Variants in TSNAX observed in about 807,000 individuals in gnomAD.
TSNAX encodes translin-associated protein X.
A neutral mutation model predicts 33.0 loss-of-function variants in TSNAX; 12 were observed. That is an observed-to-expected ratio of 0.36 (90% CI 0.23 to 0.59). The LOEUF (loss-of-function observed/expected upper bound fraction) is 0.59, where lower values mean the gene tolerates loss of function less well. Among genes scored for constraint, TSNAX ranks in the 20% least tolerant of loss-of-function variants. The pLI, the probability that TSNAX is intolerant of heterozygous loss-of-function variation, is 0.74. For synonymous variants in TSNAX, 110 were observed against 117.2 expected (o/e 0.94, Z 0.40); for missense variants, 267 against 341.3 (o/e 0.78, Z 1.72).
Position 231,565,005 on chromosome 1 carries a change from A to T in TSNAX, c.*100A>T, listed in dbSNP as rs559083933. 9 of 1,354,860 alleles carry T rather than the reference A, an allele frequency of 6.6e-6. No homozygotes were observed. Among genetic ancestry groups the T allele is most frequent in the Non-Finnish European group, 9.0e-6 (9 of 1,001,342 alleles). 83.9% of individuals were successfully genotyped at this position (1,354,860 alleles called of 1,614,324 possible). A position where few individuals can be genotyped will look rare whatever the true frequency, so the allele number is the denominator to read the frequency against. ...CATTTAACTTTATTGTGGCTTTTACATAGAAACATATTCAGTTGTACTTGT... is the reference window on the plus strand; with the variant it reads ...CATTTAACTTTATTGTGGCTTTTACTTAGAAACATATTCAGTTGTACTTGT... On this transcript the variant is annotated 3_prime_UTR_variant, in exon 6 of 6. Coordinates refer to ENST00000366639, the MANE Select transcript of TSNAX (RefSeq NM_005999.3).
At chr1:231,552,857 C>G (rs141376203) in intron 4 of TSNAX, among the ~76,000 whole-genome samples, 1 of 152,276 alleles carries the variant, frequency 6.6e-6, no homozygotes, top group Non-Finnish European at 1.5e-5. Flanking sequence ...CATGTATGGC[C>G]TCTTGCGTCT....
At chr1:231,530,340 T>A (rs1025656918) in intron 2 of TSNAX, among the ~76,000 whole-genome samples, 2 of 152,230 alleles carry the variant, frequency 1.3e-5, no homozygotes, top group Non-Finnish European at 2.9e-5. Context: ...CAGTATCTAC[T>A]GTGATCGTCA....
chr1:231,553,084 C>A (rs1271492204), intron 4 of TSNAX, among the ~76,000 whole-genome samples: 7 of 152,190 alleles, frequency 4.6e-5, no homozygotes, highest in African/African-American at 1.7e-4. Flanking sequence ...TGAATATATG[C>A]TTTCAGCTCT....
At chr1:231,531,904 C>T (rs1239828747) in intron 2 of TSNAX, among the ~76,000 whole-genome samples, 5 of 151,846 alleles carry the variant, frequency 3.3e-5, no homozygotes, top group African/African-American at 1.2e-4. Context: ...AATGTTTTTA[C>T]CACAATTAGC....
chr1:231,550,584 A>C (rs1660234319), intron 4 of TSNAX, among the ~76,000 whole-genome samples: 1 of 152,198 alleles, frequency 6.6e-6, no homozygotes. Flanking sequence ...TAAGGGAAAG[A>C]GTCTGGGGGA....
At chr1:231,552,690 C>A (rs1014050402) in intron 4 of TSNAX, among the ~76,000 whole-genome samples, 5 of 152,196 alleles carry the variant, frequency 3.3e-5, no homozygotes, top group African/African-American at 9.7e-5. Flanking sequence ...AATACCAGAA[C>A]ATTTCATCAC....
At chr1:231,556,451 A>G (rs201595466) in intron 4 of TSNAX, among the ~76,000 whole-genome samples, 5 of 152,386 alleles carry the variant, frequency 3.3e-5, no homozygotes, top group Middle Eastern at 6.8e-3. Flanking sequence ...TGAATGATAC[A>G]GAATATTAGT....
intron 5 of TSNAX, among the ~76,000 whole-genome samples, chr1:231,564,217 G>A (rs1027185865): frequency 6.6e-6 from 1 of 152,084 alleles, no homozygotes; most frequent in African/African-American, 2.4e-5. Flanking sequence ...ATTAAGCCTT[G>A]TTCAAGAATA....
At chr1:231,559,913 C>CTACA (rs1660937165) in intron 4 of TSNAX, among the ~76,000 whole-genome samples, 1 of 151,338 alleles carries the variant, frequency 6.6e-6, no homozygotes, top group Non-Finnish European at 1.5e-5. Flanking sequence ...TGACACTTAC[C>CTACA]TACATTAGTT....
chr1:231,541,588 TAAG>T (rs1293779486), intron 3 of TSNAX, among the ~76,000 whole-genome samples: 1 of 116,562 alleles, frequency 8.6e-6, no homozygotes, highest in East Asian at 2.6e-4. Context: ...GATTTAAAAA[TAAG>T]AAAAATATTT....
intron 3 of TSNAX, among the ~76,000 whole-genome samples, chr1:231,540,165 C>T (rs1362596805): frequency 2.5e-5 from 3 of 119,516 alleles, no homozygotes; most frequent in African/African-American, 3.3e-5. Flanking sequence ...CAGAATAGGA[C>T]TCTGTCTCAA....
At chr1:231,557,675 A>AC (rs143518672) in intron 4 of TSNAX, among the ~76,000 whole-genome samples, 2,002 of 152,260 alleles carry the variant, frequency 0.013, 54 homozygotes, top group African/African-American at 0.046. Flanking sequence ...TATAGAACAT[A>AC]AAGTGAGAAC....
At chr1:231,545,665 A>G (rs186064262) in intron 4 of TSNAX, among the ~76,000 whole-genome samples, 90 of 152,294 alleles carry the variant, frequency 5.9e-4, no homozygotes, top group African/African-American at 2.1e-3. Context: ...TAATGATAAG[A>G]ATTGTCATTT....
Position 231,528,725 on chromosome 1 carries a change from C to T in TSNAX, c.-86C>T, listed in dbSNP as rs577053760. 559 of 1,549,488 alleles carry T rather than the reference C, an allele frequency of 3.6e-4. 3 individuals are homozygous for T. The African/African-American group carries it at 5.7e-3, about 16-fold the overall frequency. On this transcript the variant is annotated 5_prime_UTR_variant, in exon 1 of 6. Transcript: ENST00000366639. ...AAAGCGTTTTTCTGCAGGCTGTTTT[C>T]CCAGGTTCCCTCGGCCTGTACCTCG...
chr1:231,534,689 TCCCAGGAGATTGCATA>T (rs1659041301), intron 2 of TSNAX: 1 of 152,172 alleles, frequency 6.6e-6, no homozygotes, highest in South Asian at 2.1e-4. Context: ...ATTTCTTAGT[TCCCAGGAGATTGCATA>T]CCCTTAGTAC....
chr1:231,542,766 G>A (rs1463674630), intron 4 of TSNAX, 155 bp downstream of exon 4: 7 of 848,854 alleles, frequency 8.2e-6, no homozygotes, highest in Admixed American at 2.9e-5. Flanking sequence ...GTAATCCAAA[G>A]GCAAGTTGGC....
chr1:231,539,249 A>G (rs1467987370), intron 3 of TSNAX, among the ~76,000 whole-genome samples: 1 of 152,212 alleles, frequency 6.6e-6, no homozygotes. Context: ...TGCCATCAGT[A>G]TTCAGCAGTA....
In TSNAX at chr1:231,551,997, A is replaced by T. The variant is rs139724113; in HGVS notation, c.368-9131A>T. On this transcript the variant is annotated intron_variant, in intron 4 of 5. Coordinates refer to ENST00000366639, the MANE Select transcript of TSNAX (RefSeq NM_005999.3). ...ACAGAGCAAGATCATGTCTCTTTTT[A>T]AAAAAAGAAAGACCCATTCCAGGCG... Among the ~76,000 whole-genome samples, 29 of 151,878 alleles carry T rather than the reference A, an allele frequency of 1.9e-4. 1 individual carries two copies. The East Asian group carries it at 3.3e-3, about 17-fold the overall frequency.
intron 3 of TSNAX, among the ~76,000 whole-genome samples, chr1:231,540,919 A>G (rs946632943): frequency 2.0e-5 from 3 of 152,204 alleles, no homozygotes; most frequent in African/African-American, 7.2e-5. Flanking sequence ...ATGTTAATAT[A>G]GCTACTCCTG....
Sources: gnomAD v4.1 joint callset for allele counts (sites outside exome capture counted in the v4.1 genomes callset) on GRCh38, gnomAD v4.1.1 for gene constraint, MANE v1.5 for transcripts, NCBI Gene and HGNC (gene_info 2026-07-23, HGNC 2026-07-21) for gene names.